LMBR1: variants seen among roughly 807,000 people sequenced by gnomAD.
The protein encoded by LMBR1 is limb development membrane protein 1.
A neutral mutation model predicts 73.9 loss-of-function variants in LMBR1; 52 were observed. The ratio of observed to expected loss-of-function variants is 0.70; its 90% CI spans 0.56 to 0.89. LMBR1 has a LOEUF of 0.89. Among genes scored for constraint, LMBR1 ranks in the 40% least tolerant of loss-of-function variants. The pLI, the probability that LMBR1 is intolerant of heterozygous loss-of-function variation, is 0.00. For missense variants in LMBR1, 539 were observed against 579.8 expected (o/e 0.93, Z 0.72); for synonymous variants, 215 against 209.4 (o/e 1.03, Z -0.23).
intron 5 of LMBR1, among the ~76,000 whole-genome samples, chr7:156,778,057 AAAT>A (rs1314741117): frequency 3.9e-5 from 6 of 152,232 alleles, no homozygotes; most frequent in African/African-American, 7.2e-5. Context: ...ATAGGTACAC[AAAT>A]AATAACAAGA....
chr7:156,772,305 T>G (rs934412585), intron 5 of LMBR1, among the ~76,000 whole-genome samples: 5 of 152,130 alleles, frequency 3.3e-5, no homozygotes, highest in Admixed American at 6.5e-5. Context: ...TCTCAACGGA[T>G]GCAGAAAAAG....
chr7:156,742,046 A>G (rs959026136), intron 9 of LMBR1, among the ~76,000 whole-genome samples: 1 of 152,188 alleles, frequency 6.6e-6, no homozygotes, highest in Admixed American at 6.5e-5. Flanking sequence ...CTGAATCACC[A>G]GTGGGTCAAT....
intron 5 of LMBR1, among the ~76,000 whole-genome samples, chr7:156,790,760 A>AT (rs1441576045): frequency 6.6e-6 from 1 of 150,946 alleles, no homozygotes; most frequent in East Asian, 1.9e-4. Context: ...TCAATTCAAA[A>AT]TTTTTATAAC....
intron 13 of LMBR1, 113 bp downstream of exon 13, chr7:156,725,651 G>A (rs1815584862): frequency 1.6e-6 from 2 of 1,228,540 alleles, no homozygotes; most frequent in African/African-American, 3.1e-5. Flanking sequence ...GCTTGAGGAA[G>A]ACTAACCTGT....
intron 8 of LMBR1, among the ~76,000 whole-genome samples, chr7:156,760,682 TACA>T (rs2132874401): frequency 6.6e-6 from 1 of 152,352 alleles, no homozygotes; most frequent in Non-Finnish European, 1.5e-5. Flanking sequence ...CAAGTGTGTA[TACA>T]ACATTTACAT....
intron 4 of LMBR1, among the ~76,000 whole-genome samples, chr7:156,818,091 T>A (rs547515299): frequency 9.7e-4 from 148 of 152,220 alleles, no homozygotes; most frequent in Non-Finnish European, 1.7e-3. Flanking sequence ...TGAACAACAG[T>A]ACATTAAAAT....
At chr7:156,760,888 A>G (rs1393850729) in intron 8 of LMBR1, among the ~76,000 whole-genome samples, 2 of 152,248 alleles carry the variant, frequency 1.3e-5, no homozygotes, top group Non-Finnish European at 2.9e-5. Context: ...ACGATTTAAT[A>G]AGTATTACTA....
chr7:156,801,423 G>T (rs1830948701), intron 4 of LMBR1, among the ~76,000 whole-genome samples: 1 of 152,116 alleles, frequency 6.6e-6, no homozygotes, highest in Non-Finnish European at 1.5e-5. Context: ...TATGCTCTGA[G>T]AAATCAAAAA....
At position 156,826,587 on chromosome 7, in the gene LMBR1, TAAGC is replaced by T; in HGVS notation, c.319+14_319+17del. On this transcript the variant is annotated intron_variant, in intron 4 of 16. Coordinates refer to ENST00000353442, the MANE Select transcript of LMBR1 (RefSeq NM_022458.4). ...ATTAAAATATTAATTGTGATTATAT[TAAGC>T]AATATATACTAACCATGAATCAGGG... is the stretch of plus-strand genomic sequence containing the variant. 1 of 1,394,012 alleles carries T rather than the reference TAAGC, an allele frequency of 7.2e-7. No individual in the cohort carries two copies. Among genetic ancestry groups the T allele is most frequent in the East Asian group, 2.5e-5 (1 of 39,226 alleles). The allele number at this position is 1,394,012 out of a possible 1,614,324, so 86.4% of individuals were successfully genotyped here.
At chr7:156,852,572 T>C (rs991780233) in intron 1 of LMBR1, among the ~76,000 whole-genome samples, 2 of 152,224 alleles carry the variant, frequency 1.3e-5, no homozygotes, top group South Asian at 4.1e-4. Context: ...GAGTTTTACG[T>C]TATTTGGAAA....
intron 15 of LMBR1, among the ~76,000 whole-genome samples, chr7:156,708,844 G>A (rs1022928638): frequency 1.3e-5 from 2 of 152,142 alleles, no homozygotes; most frequent in African/African-American, 4.8e-5. Context: ...GCAGAAGAGA[G>A]ACCAGCCTTG....
At chr7:156,747,368 T>C (rs1413613942) in intron 9 of LMBR1, among the ~76,000 whole-genome samples, 1 of 152,164 alleles carries the variant, frequency 6.6e-6, no homozygotes, top group African/African-American at 2.4e-5. Flanking sequence ...TAAAAATATT[T>C]TGCTTCCAAG....
intron 1 of LMBR1, among the ~76,000 whole-genome samples, chr7:156,843,006 C>T (rs1262512345): frequency 6.6e-6 from 1 of 152,198 alleles, no homozygotes; most frequent in African/African-American, 2.4e-5. Flanking sequence ...AAACTTCACA[C>T]TCATCGACCA....
chr7:156,859,088 TAC>T (rs1797372835), intron 1 of LMBR1, among the ~76,000 whole-genome samples: 1 of 152,088 alleles, frequency 6.6e-6, no homozygotes, highest in Non-Finnish European at 1.5e-5. Flanking sequence ...ACTCTGTCTC[TAC>T]TAAAAATACA....
At chr7:156,691,753 A>C (rs1807226803) in intron 15 of LMBR1, among the ~76,000 whole-genome samples, 1 of 152,108 alleles carries the variant, frequency 6.6e-6, no homozygotes, top group Non-Finnish European at 1.5e-5. Flanking sequence ...TAAAAAAAAA[A>C]CTTATAGATT....
intron 5 of LMBR1, among the ~76,000 whole-genome samples, chr7:156,767,041 G>C (rs146816569): frequency 6.6e-6 from 1 of 152,150 alleles, no homozygotes; most frequent in African/African-American, 2.4e-5. Context: ...CTTGCTTAAC[G>C]GTGTGGGCCA....
chr7:156,883,130 G>A (rs1014833577), intron 1 of LMBR1, among the ~76,000 whole-genome samples: 1 of 152,078 alleles, frequency 6.6e-6, no homozygotes, highest in African/African-American at 2.4e-5. Flanking sequence ...GCCATGCATG[G>A]TGGCTCACAC....
intron 9 of LMBR1, among the ~76,000 whole-genome samples, chr7:156,742,576 C>T (rs979244727): frequency 6.6e-6 from 1 of 152,010 alleles, no homozygotes; most frequent in Admixed American, 6.6e-5. Context: ...AAATCTAAAA[C>T]CTAAACAGAC....
In LMBR1 at chr7:156,892,844, T is replaced by C. The variant is rs1342074835; in HGVS notation, c.66+84A>G. 1.0e-4 allele frequency: 101 copies of C among 977,952 alleles called. No homozygotes were observed. The African/African-American group carries it at 2.7e-3, about 27-fold the overall frequency. The allele number at this position is 977,952 out of a possible 1,614,324, so 60.6% of individuals were successfully genotyped here. On this transcript the variant is annotated intron_variant, in intron 1 of 16. Coordinates refer to ENST00000353442, the MANE Select transcript of LMBR1 (RefSeq NM_022458.4). ...CGAGGCGAGGCCCGGAGGTGAGGGG[T>C]CCGGGGACCGGGGGCCCGGGGGCGG... is the stretch of plus-strand genomic sequence containing the variant.
Sources: allele counts gnomAD v4.1 joint callset (sites outside exome capture counted in the v4.1 genomes callset), GRCh38; gene constraint gnomAD v4.1.1; transcripts MANE v1.5; gene names NCBI Gene and HGNC (gene_info 2026-07-23, HGNC 2026-07-21).